The following TRAPPC9 variants were observed in gnomAD, a reference collection of about 807,000 sequenced individuals.
The protein encoded by TRAPPC9 is trafficking protein particle complex subunit 9, also known as IKK2 binding protein.
TRAPPC9 carries 83 observed loss-of-function variants against 124.0 expected under a neutral mutation model. The ratio of observed to expected loss-of-function variants is 0.67; its 90% confidence interval spans 0.56 to 0.80. TRAPPC9 has a LOEUF of 0.80. Among genes scored for constraint, TRAPPC9 ranks in the 30% least tolerant of loss-of-function variants. TRAPPC9 has a pLI of 0.00. For missense variants in TRAPPC9, 1,302 were observed against 1,508.3 expected, an observed-to-expected ratio of 0.86 and a Z score of 2.27; for synonymous variants, 638 against 617.5, an observed-to-expected ratio of 1.03 and a Z score of -0.49.
intron 9 of TRAPPC9, among the ~76,000 whole-genome samples, chr8:140,327,714 A>C (rs2066776374): frequency 6.6e-6 from 1 of 152,246 alleles, no homozygotes; most frequent in Non-Finnish European, 1.5e-5. Context: ...AGGCAAATTC[A>C]TCAAGAGGAA....
chr8:140,233,623 C>CCACACACACCCACACACACACA (rs1554648048), intron 16 of TRAPPC9, among the ~76,000 whole-genome samples: 1 of 90,848 alleles, frequency 1.1e-5, no homozygotes, highest in Non-Finnish European at 2.1e-5. Context: ...TCTCTCCCCA[C>CCACACACACCCACACACACACA]CACACACACA....
intron 17 of TRAPPC9, among the ~76,000 whole-genome samples, chr8:140,204,865 C>G (rs555058999): frequency 5.0e-4 from 76 of 152,286 alleles, no homozygotes; most frequent in African/African-American, 1.7e-3. Flanking sequence ...AAATGATGAA[C>G]AAGGTCAGTG....
At chr8:139,757,022 G>T (rs1586778033) in intron 21 of TRAPPC9, among the ~76,000 whole-genome samples, 1 of 132,298 alleles carries the variant, frequency 7.6e-6, no homozygotes, top group Non-Finnish European at 1.6e-5. Context: ...AGGGTTTGGG[G>T]ATGAGGACAG....
At chr8:139,983,031 T>C (rs1322378111) in intron 19 of TRAPPC9, among the ~76,000 whole-genome samples, 3 of 152,142 alleles carry the variant, frequency 2.0e-5, no homozygotes, top group East Asian at 3.8e-4. Context: ...CTACCCTCCA[T>C]GGTGATTATA....
At chr8:139,961,881 A>C (rs1380474585) in intron 19 of TRAPPC9, among the ~76,000 whole-genome samples, 1 of 124,054 alleles carries the variant, frequency 8.1e-6, no homozygotes, top group African/African-American at 2.6e-5. Flanking sequence ...GAGGATAGCC[A>C]GAGGACAAAC....
In TRAPPC9 at chr8:140,283,586, G is replaced by A. The variant is rs73366986; in HGVS notation, c.2114+303C>T. On this transcript the variant is annotated intron_variant, in intron 14 of 22. Transcript: ENST00000438773. ...GCTGGGATTACACATGTGAGCCACC[G>A]CGCCAGGCCAAAATTCCCTATGTTT... Among the ~76,000 whole-genome samples the A allele has an allele frequency of 0.32, 47,932 of 151,534 alleles. 8,537 individuals carry two copies. The highest frequency in any genetic ancestry group is 0.48 in the African/African-American group (19,890 of 41,270).
At chr8:139,787,894 T>C (rs888789484) in intron 21 of TRAPPC9, among the ~76,000 whole-genome samples, 15 of 152,082 alleles carry the variant, frequency 9.9e-5, no homozygotes, top group African/African-American at 3.4e-4. Flanking sequence ...TGATTGGGCC[T>C]GTCTTCCAGG....
At chr8:140,325,475 G>C (rs1344442816) in intron 9 of TRAPPC9, among the ~76,000 whole-genome samples, 1 of 152,168 alleles carries the variant, frequency 6.6e-6, no homozygotes, top group Non-Finnish European at 1.5e-5. Flanking sequence ...TCATTAAGAG[G>C]ATAATAAGGG....
At chr8:140,042,210 T>TG (rs1439972906) in intron 17 of TRAPPC9, among the ~76,000 whole-genome samples, 1 of 19,716 alleles carries the variant, frequency 5.1e-5, no homozygotes, top group African/African-American at 1.9e-4. Context: ...AGTGTATGTG[T>TG]GTGTGTGTGT....
chr8:139,736,960 G>T (rs1818213232), intron 21 of TRAPPC9, among the ~76,000 whole-genome samples: 1 of 152,208 alleles, frequency 6.6e-6, no homozygotes, highest in Non-Finnish European at 1.5e-5. Flanking sequence ...CAGGGCCACC[G>T]TCCATTACAA....
chr8:140,356,620 CTT>C (rs1184247581), intron 9 of TRAPPC9, among the ~76,000 whole-genome samples: 43 of 141,812 alleles, frequency 3.0e-4, no homozygotes, highest in Non-Finnish European at 2.5e-4. Context: ...AAAGAATGTG[CTT>C]TTTTTTTTTT....
chr8:139,917,830 C>T (rs77357450), intron 19 of TRAPPC9, among the ~76,000 whole-genome samples: 1,914 of 152,318 alleles, frequency 0.013, 43 homozygotes, highest in African/African-American at 0.044. Flanking sequence ...TCGTCCCCAT[C>T]GCCTGAACTC....
chr8:140,160,384 T>A (rs960195091), intron 17 of TRAPPC9, among the ~76,000 whole-genome samples: 1 of 152,158 alleles, frequency 6.6e-6, no homozygotes, highest in African/African-American at 2.4e-5. Flanking sequence ...CAGCAAAGAC[T>A]TGGAACCAAC....
chr8:140,119,186 C>T (rs1252136995), intron 17 of TRAPPC9, among the ~76,000 whole-genome samples: 1 of 152,248 alleles, frequency 6.6e-6, no homozygotes, highest in African/African-American at 2.4e-5. Context: ...CCAGCCAAAC[C>T]ACGCCAGGCG....
At position 139,899,348 on chromosome 8, in the gene TRAPPC9, T is replaced by C. The variant is rs185399678; in HGVS notation, c.2964+10799A>G. Among the ~76,000 whole-genome samples the C allele has an allele frequency of 3.9e-5, 6 of 152,270 alleles. No homozygotes were observed. The East Asian group carries it at 9.7e-4, about 25-fold the overall frequency. On this transcript the variant is annotated intron_variant, in intron 20 of 22. Coordinates refer to ENST00000438773, the MANE Select transcript of TRAPPC9 (RefSeq NM_001160372.4). ...ATTAACACGTATTTTGCATGTTATA[T>C]GTATTACATACTATATTATTACAAT...
At chr8:140,050,396 C>T (rs550245529) in intron 17 of TRAPPC9, among the ~76,000 whole-genome samples, 28 of 152,332 alleles carry the variant, frequency 1.8e-4, no homozygotes, top group African/African-American at 6.3e-4. Context: ...CCATCTCATG[C>T]GGTTCTCACA....
At chr8:139,761,794 C>T (rs13439607) in intron 21 of TRAPPC9, among the ~76,000 whole-genome samples, 12,702 of 151,642 alleles carry the variant, frequency 0.084, 535 homozygotes, top group Middle Eastern at 0.1. Flanking sequence ...GGACCACTCT[C>T]TAGGCCTGAC....
At chr8:140,192,470 G>C (rs2062516979) in intron 17 of TRAPPC9, among the ~76,000 whole-genome samples, 1 of 152,200 alleles carries the variant, frequency 6.6e-6, no homozygotes, top group Non-Finnish European at 1.5e-5. Context: ...AAACCTCCTG[G>C]CACAGTGCCT....
At chr8:139,814,567 C>A (rs138805095) in intron 21 of TRAPPC9, among the ~76,000 whole-genome samples, 1,684 of 152,244 alleles carry the variant, frequency 0.011, 29 homozygotes, top group African/African-American at 0.038. Flanking sequence ...GATCTCACAG[C>A]TCTCCTTCCA....
Sources: gnomAD v4.1 joint callset for allele counts (sites outside exome capture counted in the v4.1 genomes callset) on GRCh38, gnomAD v4.1.1 for gene constraint, MANE v1.5 for transcripts, NCBI Gene and HGNC (gene_info 2026-07-23, HGNC 2026-07-21) for gene names.